Variants in KRT80 observed in about 807,000 individuals in gnomAD.
KRT80 encodes keratin 80.
In KRT80, 36 loss-of-function variants were observed where a neutral mutation model predicts 51.5. The ratio of observed to expected loss-of-function variants is 0.70; its 90% confidence interval spans 0.54 to 0.92. The LOEUF is 0.92. KRT80 is among the 40% of genes least tolerant of loss of function. The probability of loss-of-function intolerance (pLI) is 0.00; values close to 1 mark genes in which losing one functional copy is unlikely to be tolerated. For missense variants in KRT80, 566 were observed against 591.7 expected (o/e 0.96, Z 0.45); for synonymous variants, 235 against 248.3 (o/e 0.95, Z 0.50).
intron 4 of KRT80, among the ~76,000 whole-genome samples, chr12:52,176,285 G>A (rs1328300251): frequency 6.6e-6 from 1 of 152,184 alleles, no homozygotes; most frequent in Non-Finnish European, 1.5e-5. Context: ...TGGAGAGCAC[G>A]TGAGCCTCCA....
intron 1 of KRT80, among the ~76,000 whole-genome samples, chr12:52,190,151 G>T (rs1026744269): frequency 6.6e-6 from 1 of 152,084 alleles, no homozygotes; most frequent in African/African-American, 2.4e-5. Context: ...TTCCCCTCTG[G>T]GTACCCAGGG....
At position 52,173,716 on chromosome 12, in the gene KRT80, C is replaced by T. The variant is rs773765135; in HGVS notation, c.715G>A (p.Gly239Ser). 2.0e-5 allele frequency: 33 copies of T among 1,612,220 alleles called. No homozygotes were observed. Among genetic ancestry groups the T allele is most frequent in the Admixed American group, 1.2e-4 (7 of 60,012 alleles). Residue 239 changes from glycine to serine, a missense_variant, in exon 5 of 9, where the codon GGC becomes AGC. Coordinates refer to ENST00000394815, the MANE Select transcript of KRT80 (RefSeq NM_182507.3). ...AQVKDVSVTV[G>S]MDSRCHIDLS... Reference sequence around the variant, plus strand: ...TCGATGTGGCAGCGGCTGTCCATGCCGACGGTCACCGACACATCCTTCACC... The same window carrying T: ...TCGATGTGGCAGCGGCTGTCCATGCTGACGGTCACCGACACATCCTTCACC...
At chr12:52,172,177 C>T (rs1283104874) in intron 7 of KRT80, 21 bp downstream of exon 7, 2 of 1,611,906 alleles carry the variant, frequency 1.2e-6, no homozygotes, top group Non-Finnish European at 1.7e-6. Context: ...GCAGCCCTTC[C>T]TCACCAGCCC....
At chr12:52,188,033 A>G (rs1687183185) in intron 1 of KRT80, among the ~76,000 whole-genome samples, 1 of 151,788 alleles carries the variant, frequency 6.6e-6, no homozygotes, top group Non-Finnish European at 1.5e-5. Context: ...GATCAGGGAC[A>G]GCCCCCTGTT....
intron 1 of KRT80, 87 bp downstream of exon 1, chr12:52,191,516 G>T (rs1178031672): frequency 2.2e-5 from 30 of 1,339,800 alleles, no homozygotes; most frequent in Non-Finnish European, 3.1e-6. Flanking sequence ...GTGGGGCGCG[G>T]TGATCGATGC....
intron 5 of KRT80, among the ~76,000 whole-genome samples, 184 bp from the exon 6 acceptor site, chr12:52,173,347 A>T (rs1202189909): frequency 2.6e-5 from 4 of 151,462 alleles, no homozygotes. Flanking sequence ...TGGCTGCCCT[A>T]GCTGAGCCCC....
intron 1 of KRT80, 43 bp from the exon 2 acceptor site, chr12:52,185,630 G>T: frequency 6.3e-7 from 1 of 1,585,882 alleles, no homozygotes; most frequent in Non-Finnish European, 8.5e-7. Context: ...GTGTGGACCA[G>T]TCGGGGGCTG....
At chr12:52,191,100 C>T (rs1451117975) in intron 1 of KRT80, among the ~76,000 whole-genome samples, 1 of 152,182 alleles carries the variant, frequency 6.6e-6, no homozygotes, top group East Asian at 1.9e-4. Context: ...CAACCTCCTT[C>T]CAGCAGCCCC....
At position 52,183,966 on chromosome 12, in the gene KRT80, G is replaced by A. The variant is rs527924605; in HGVS notation, c.509+1413C>T. On this transcript the variant is annotated intron_variant, in intron 2 of 8. Coordinates refer to ENST00000394815, the MANE Select transcript of KRT80 (RefSeq NM_182507.3). ...GTCACAGATTCTGGTGAGCTGCCCC[G>A]ACTGCCCGGTCATGGTCAGGTACTA... 4.6e-5 allele frequency among the ~76,000 whole-genome samples: 7 copies of A among 152,324 alleles called. 1 individual carries two copies. The highest frequency in any genetic ancestry group is 1.2e-4 in the African/African-American group (5 of 41,574).
chr12:52,169,732 G>A lies in KRT80; in HGVS notation c.*1666C>T, dbSNP rs910697270. ...AAATAATATATACTTTATATGTCTTGTATCCCCACTGAGGATTTGCTCCCT... is the reference window on the plus strand; with the variant it reads ...AAATAATATATACTTTATATGTCTTATATCCCCACTGAGGATTTGCTCCCT... On this transcript the variant is annotated 3_prime_UTR_variant, in exon 9 of 9. Coordinates refer to ENST00000394815, the MANE Select transcript of KRT80 (RefSeq NM_182507.3). The A allele has an allele frequency of 3.9e-5, 6 of 152,332 alleles. No individual in the cohort carries two copies. Among genetic ancestry groups the A allele is most frequent in the South Asian group, 2.1e-4 (1 of 4,824 alleles). The allele number at this position is 152,332 out of a possible 1,614,324, so 9.4% of individuals were successfully genotyped here. A position where few individuals can be genotyped will look rare whatever the true frequency, so the allele number is the denominator to read the frequency against.
intron 2 of KRT80, among the ~76,000 whole-genome samples, chr12:52,184,731 G>C (rs962195185): frequency 6.6e-6 from 1 of 152,206 alleles, no homozygotes; most frequent in Non-Finnish European, 1.5e-5. Flanking sequence ...GCCCATAAAT[G>C]CTGGGATATA....
chr12:52,185,738 C>G, intron 1 of KRT80, 151 bp from the exon 2 acceptor site: 1 of 1,451,236 alleles, frequency 6.9e-7, no homozygotes, highest in South Asian at 1.3e-5. Context: ...GCAGAAAGCA[C>G]CTCCAATGAC....
intron 2 of KRT80, among the ~76,000 whole-genome samples, chr12:52,184,955 T>C (rs140980407): frequency 8.5e-5 from 13 of 152,328 alleles, no homozygotes; most frequent in Non-Finnish European, 1.6e-4. Flanking sequence ...GAGATCAAAA[T>C]CTAAAGCCAC....
At chr12:52,189,712 C>G (rs1044347069) in intron 1 of KRT80, among the ~76,000 whole-genome samples, 3 of 152,204 alleles carry the variant, frequency 2.0e-5, no homozygotes, top group Non-Finnish European at 2.9e-5. Context: ...GGCCCCCAAA[C>G]GGCCAGTACC....
chr12:52,182,051 G>C (rs1941330942), intron 2 of KRT80, among the ~76,000 whole-genome samples: 1 of 152,188 alleles, frequency 6.6e-6, no homozygotes, highest in Non-Finnish European at 1.5e-5. Flanking sequence ...CTGAGGAGCT[G>C]AGGGGCGTGG....
Position 52,173,695 on chromosome 12 carries a change from T to C in KRT80, c.736A>G (p.Ile246Val). ...VTVGMDSRCHIDLSGIVEEVK... is the reference protein window; with the variant it reads ...VTVGMDSRCHVDLSGIVEEVK... ...TCCTCCACGATGCCGCTCAGGTCGA[T>C]GTGGCAGCGGCTGTCCATGCCGACG... The change falls in exon 5 of 9, where the codon ATC becomes GTC. Residue 246 changes from isoleucine (I) to valine (V), a missense_variant. Transcript: ENST00000394815. 6.2e-7 allele frequency: 1 copy of C among 1,612,818 alleles called. No individual in the cohort carries two copies. Among genetic ancestry groups the C allele is most frequent in the South Asian group, 1.1e-5 (1 of 91,090 alleles).
rs1246161522 is a variant in KRT80 at position 52,172,233 on chromosome 12, G to A, written c.1143C>T (p.Ala381=). Residue 381 remains alanine, a synonymous_variant, in exon 7 of 9, where the codon GCC becomes GCT. Coordinates refer to ENST00000394815, the MANE Select transcript of KRT80 (RefSeq NM_182507.3). The part of the protein sequence containing the change: ...NVKLALDIEI[A]TYRKLVEGEE... ...CGCCCTCCACCAGCTTCCTGTAGGT[G>A]GCGATCTCGATGTCCAGGGCCAGCT... The A allele has an allele frequency of 6.2e-7, 1 of 1,613,992 alleles. No homozygotes were observed. The highest frequency in any genetic ancestry group is 8.5e-7 in the Non-Finnish European group (1 of 1,180,026).
rs1210543775 is a variant in KRT80, at chr12:52,169,423, T to G, written c.*1975A>C. 6.6e-6 allele frequency: 1 copy of G among 152,580 alleles called. No homozygotes were observed. The highest frequency in any genetic ancestry group is 1.5e-5 in the Non-Finnish European group (1 of 68,038). 9.5% of individuals were successfully genotyped at this position (152,580 alleles called of 1,614,324 possible). A position where few individuals can be genotyped will look rare whatever the true frequency, so the allele number is the denominator to read the frequency against. ...TGAAGATATAACTAAGTCCCTGGAC[T>G]TTTTCTCCCTTAATTGGAGAATTCC... is the stretch of plus-strand genomic sequence containing the variant. On this transcript the variant is annotated 3_prime_UTR_variant, in exon 9 of 9. Coordinates refer to ENST00000394815, the MANE Select transcript of KRT80 (RefSeq NM_182507.3).
At chr12:52,185,704 C>T (rs916121369) in intron 1 of KRT80, 117 bp from the exon 2 acceptor site, 2 of 1,531,740 alleles carry the variant, frequency 1.3e-6, no homozygotes, top group African/African-American at 2.7e-5. Context: ...CTCATTTATG[C>T]ACACCACCCA....
Sources: gnomAD v4.1 joint callset for allele counts (sites outside exome capture counted in the v4.1 genomes callset) on GRCh38, gnomAD v4.1.1 for gene constraint, MANE v1.5 for transcripts, NCBI Gene and HGNC (gene_info 2026-07-23, HGNC 2026-07-21) for gene names.